Variants in EDIL3 observed in about 807,000 individuals in gnomAD.
EDIL3 encodes EGF-like repeat and discoidin I-like domain-containing protein 3.
Under a neutral mutation model 67.4 loss-of-function variants are expected in EDIL3, and 37 were observed. The observed-to-expected ratio is 0.55, with a 90% CI of 0.42 to 0.72. EDIL3 has a LOEUF of 0.72. Among genes scored for constraint, EDIL3 ranks in the 30% least tolerant of loss-of-function variants. The probability of loss-of-function intolerance (pLI) is 0.00; values close to 1 mark genes in which losing one functional copy is unlikely to be tolerated. For missense variants in EDIL3, 527 were observed against 586.3 expected (o/e 0.90, Z 1.04); for synonymous variants, 195 against 196.3 (o/e 0.99, Z 0.05).
intron 9 of EDIL3, among the ~76,000 whole-genome samples, chr5:83,987,865 G>GTGTGTGTGTGTGTATATATATA: frequency 1.8e-5 from 1 of 57,024 alleles, no homozygotes; most frequent in African/African-American, 1.1e-4. Context: ...GTGTGTGTGT[G>GTGTGTGTGTGTGTATATATATA]TATGTATATA....
chr5:84,233,591 TA>T (rs1198734486), intron 2 of EDIL3, among the ~76,000 whole-genome samples: 4 of 152,238 alleles, frequency 2.6e-5, no homozygotes, highest in Non-Finnish European at 5.9e-5. Context: ...TTGGATTTAA[TA>T]AATGGTCTGT....
chr5:84,244,901 T>C (rs1744876138), intron 2 of EDIL3, among the ~76,000 whole-genome samples: 3 of 152,192 alleles, frequency 2.0e-5, no homozygotes, highest in Admixed American at 6.5e-5. Context: ...ACACAAACTA[T>C]TGTGAACTGC....
chr5:83,951,689 T>A (rs572135677), intron 10 of EDIL3, among the ~76,000 whole-genome samples: 1 of 151,718 alleles, frequency 6.6e-6, no homozygotes, highest in East Asian at 1.9e-4. Flanking sequence ...TATTTCTTCA[T>A]TGGGAAAGAG....
At chr5:83,952,165 A>C (rs1744434668) in intron 10 of EDIL3, among the ~76,000 whole-genome samples, 1 of 151,782 alleles carries the variant, frequency 6.6e-6, no homozygotes, top group African/African-American at 2.4e-5. Context: ...TTAGGTCTTG[A>C]CCTTGGGAAA....
At chr5:84,045,065 A>T (rs1746196843) in intron 9 of EDIL3, among the ~76,000 whole-genome samples, 1 of 152,190 alleles carries the variant, frequency 6.6e-6, no homozygotes, top group South Asian at 2.1e-4. Context: ...GACATGTCTT[A>T]GATGGCCATG....
intron 1 of EDIL3, among the ~76,000 whole-genome samples, chr5:84,316,000 C>G (rs1218304204): frequency 6.6e-6 from 1 of 152,090 alleles, no homozygotes; most frequent in African/African-American, 2.4e-5. Context: ...ATTTCATATC[C>G]AGCCAAACTA....
chr5:84,266,445 T>C (rs1368549968), intron 1 of EDIL3, among the ~76,000 whole-genome samples: 1 of 152,154 alleles, frequency 6.6e-6, no homozygotes, highest in Non-Finnish European at 1.5e-5. Context: ...CTATCTCTTT[T>C]CTCATTGGTT....
intron 1 of EDIL3, among the ~76,000 whole-genome samples, chr5:84,267,460 G>A (rs771808844): frequency 5.3e-5 from 8 of 152,284 alleles, no homozygotes; most frequent in South Asian, 2.1e-4. Flanking sequence ...TGATAGTAGC[G>A]CAGATACCAG....
At chr5:84,198,245 C>CAA (rs796998618) in intron 3 of EDIL3, among the ~76,000 whole-genome samples, 9 of 133,288 alleles carry the variant, frequency 6.8e-5, no homozygotes, top group African/African-American at 2.5e-4. Context: ...TGGGTCAAGG[C>CAA]AAAAAAAAAA....
intron 1 of EDIL3, among the ~76,000 whole-genome samples, chr5:84,332,873 C>G (rs1746903188): frequency 6.6e-6 from 1 of 152,156 alleles, no homozygotes; most frequent in Non-Finnish European, 1.5e-5. Flanking sequence ...ACTTGAAAAT[C>G]AAATAATCCA....
At chr5:84,128,104 G>A (rs552429929) in intron 5 of EDIL3, among the ~76,000 whole-genome samples, 1 of 152,190 alleles carries the variant, frequency 6.6e-6, no homozygotes, top group African/African-American at 2.4e-5. Context: ...TTACTTCCAA[G>A]TGTGCTGATT....
chr5:84,149,652 A>T (rs1748352301), intron 4 of EDIL3, among the ~76,000 whole-genome samples: 1 of 152,170 alleles, frequency 6.6e-6, no homozygotes, highest in African/African-American at 2.4e-5. Context: ...AACACTCAAG[A>T]AACAAAAAAG....
chr5:84,055,469 A>T (rs960552614), intron 9 of EDIL3, among the ~76,000 whole-genome samples: 2 of 148,930 alleles, frequency 1.3e-5, no homozygotes, highest in African/African-American at 2.6e-5. Context: ...GGATCTAATT[A>T]AACTAAAGAG....
chr5:84,158,778 A>G (rs966620891), intron 4 of EDIL3, among the ~76,000 whole-genome samples: 2 of 152,086 alleles, frequency 1.3e-5, no homozygotes, highest in African/African-American at 4.8e-5. Context: ...CAAAACCTGT[A>G]TTTGTGATAA....
intron 1 of EDIL3, among the ~76,000 whole-genome samples, chr5:84,303,426 A>C (rs746218900): frequency 6.6e-5 from 10 of 152,142 alleles, no homozygotes; most frequent in Non-Finnish European, 1.3e-4. Flanking sequence ...AAACATGATA[A>C]CAACTTTTGA....
At chr5:84,046,165 G>A (rs1448466952) in intron 9 of EDIL3, among the ~76,000 whole-genome samples, 2 of 152,164 alleles carry the variant, frequency 1.3e-5, no homozygotes, top group African/African-American at 4.8e-5. Context: ...TTTCATACAT[G>A]TGTATGTGTG....
chr5:84,346,144 T>C (rs534564277), intron 1 of EDIL3, among the ~76,000 whole-genome samples: 2 of 148,718 alleles, frequency 1.3e-5, no homozygotes, highest in East Asian at 2.0e-4. Flanking sequence ...TCTTTTTTTT[T>C]TTTTTTTTTG....
chr5:84,100,504 C>A (rs763859445), intron 6 of EDIL3, among the ~76,000 whole-genome samples: 12 of 152,104 alleles, frequency 7.9e-5, no homozygotes, highest in Admixed American at 2.0e-4. Flanking sequence ...TGTTCTCAGT[C>A]ATAAGTGGGA....
At chr5:84,131,513 G>A (rs1747966334) in intron 5 of EDIL3, among the ~76,000 whole-genome samples, 2 of 152,112 alleles carry the variant, frequency 1.3e-5, no homozygotes, top group Non-Finnish European at 2.9e-5. Context: ...AGGGCTGCAG[G>A]CTCTGCAACT....
Sources: allele counts gnomAD v4.1 joint callset (sites outside exome capture counted in the v4.1 genomes callset), GRCh38; gene constraint gnomAD v4.1.1; transcripts MANE v1.5; gene names NCBI Gene and HGNC (gene_info 2026-07-23, HGNC 2026-07-21).